The following NR1H3 variants were observed in gnomAD, a reference collection of about 807,000 sequenced individuals.
NR1H3 encodes the protein oxysterols receptor LXR-alpha.
A neutral mutation model predicts 48.1 loss-of-function variants in NR1H3; 19 were observed. That is an observed-to-expected ratio of 0.40 (90% confidence interval 0.28 to 0.58). The LOEUF (loss-of-function observed/expected upper bound fraction) is 0.58. Among genes scored for constraint, NR1H3 ranks in the 20% least tolerant of loss-of-function variants. The probability of loss-of-function intolerance (pLI) is 0.50; values close to 1 mark genes in which losing one functional copy is unlikely to be tolerated. For synonymous variants in NR1H3, 232 were observed against 227.3 expected (o/e 1.02, Z -0.19); for missense variants, 486 against 595.9 (o/e 0.82, Z 1.92).
intron 7 of NR1H3, among the ~76,000 whole-genome samples, chr11:47,266,881 T>G (rs1219527544): frequency 6.6e-6 from 1 of 151,978 alleles, no homozygotes; most frequent in Non-Finnish European, 1.5e-5. Flanking sequence ...ACTCAGGTGA[T>G]CCCCCTGCCT....
At chr11:47,260,072 A>G in intron 3 of NR1H3, 93 bp downstream of exon 3, 11 of 1,140,070 alleles carry the variant, frequency 9.6e-6, no homozygotes, top group Non-Finnish European at 1.3e-5. Flanking sequence ...TTTATATATA[A>G]TCTCATGGTT....
intron 4 of NR1H3, 52 bp from the exon 5 acceptor site, chr11:47,261,189 G>A: frequency 1.2e-6 from 1 of 843,014 alleles, no homozygotes; most frequent in Non-Finnish European, 1.7e-6. Context: ...CCACCCCCTT[G>A]CCCCATCCTT....
chr11:47,257,395 T>C (rs558871375), upstream of NR1H3, among the ~76,000 whole-genome samples: 5 of 152,136 alleles, frequency 3.3e-5, no homozygotes, highest in Non-Finnish European at 7.4e-5. Context: ...TATCAAAGGC[T>C]CTCCTGGCCT....
chr11:47,259,399 C>T lies in NR1H3; in HGVS notation c.43+140C>T, dbSNP rs566597517. On this transcript the variant is annotated intron_variant, in intron 2 of 9. Transcript: ENST00000441012. ...GTCATTCTTAGTCGTGCTTGCCTCC[C>T]GCCCAGATCACCTCTCCCCTGGTTC... 3.9e-5 allele frequency: 62 copies of T among 1,580,126 alleles called. No homozygotes were observed. The East Asian group carries it at 1.3e-3, about 32-fold the overall frequency.
intron 7 of NR1H3, 93 bp from the exon 8 acceptor site, chr11:47,267,820 C>G: frequency 1.1e-6 from 1 of 911,860 alleles, no homozygotes; most frequent in Non-Finnish European, 1.8e-6. Context: ...CAGTAAACTT[C>G]TTAGTGAGTT....
rs41481445 is a variant in NR1H3 at position 47,259,902 on chromosome 11, G to T, written c.155G>T (p.Gly52Val). 1.3e-3 allele frequency: 2,126 copies of T among 1,611,938 alleles called. 22 individuals carry two copies. The African/African-American group carries it at 0.024, about 19-fold the overall frequency. Residue 52 changes from glycine (G) to valine (V), a missense_variant, in exon 3 of 10, where the codon GGT becomes GTT. Transcript: ENST00000441012. ...GCCAGGATGCCCCACTCTGCTGGGG[G>T]TACTGCAGGGGTGGGGCTGGAGGCT... is the stretch of plus-strand genomic sequence containing the variant. ...EEARMPHSAG[G>V]TAGVGLEAAE...
intron 7 of NR1H3, among the ~76,000 whole-genome samples, chr11:47,262,597 C>T (rs973013710): frequency 6.6e-6 from 1 of 151,902 alleles, no homozygotes; most frequent in African/African-American, 2.4e-5. Flanking sequence ...TCACTACAAC[C>T]TCCGCCTCCC....
At chr11:47,253,144 T>TGTGTGTGTGTGTG (rs1554980530), upstream of NR1H3, among the ~76,000 whole-genome samples, 1 of 151,496 alleles carries the variant, frequency 6.6e-6, no homozygotes, top group Non-Finnish European at 1.5e-5. Context: ...CGTGTGTGTG[T>TGTGTGTGTGTGTG]TTTCTGTAAA....
upstream of NR1H3, chr11:47,248,616 C>A: frequency 6.4e-7 from 1 of 1,564,094 alleles, no homozygotes; most frequent in South Asian, 1.2e-5. Context: ...TCGACCTCCA[C>A]CAGCTGGCCT....
At chr11:47,250,085 G>A (rs543031808) in intron 1 of NR1H3, among the ~76,000 whole-genome samples, 50 of 152,148 alleles carry the variant, frequency 3.3e-4, no homozygotes, top group African/African-American at 1.2e-3. Context: ...GCGCGACAGA[G>A]TGAGACTGTC....
intron 1 of NR1H3, among the ~76,000 whole-genome samples, chr11:47,250,739 A>G (rs1406193110): frequency 6.6e-6 from 1 of 152,290 alleles, no homozygotes; most frequent in African/African-American, 2.4e-5. Context: ...GGTTTCATAA[A>G]TCAGCATCTC....
intron 7 of NR1H3, among the ~76,000 whole-genome samples, chr11:47,266,323 G>A (rs933033879): frequency 6.6e-6 from 1 of 151,148 alleles, no homozygotes; most frequent in Non-Finnish European, 1.5e-5. Context: ...GAACCACCGT[G>A]CCCTGCTGAA....
chr11:47,256,216 T>C (rs1309210166), upstream of NR1H3, among the ~76,000 whole-genome samples: 1 of 151,046 alleles, frequency 6.6e-6, no homozygotes, highest in Non-Finnish European at 1.5e-5. Flanking sequence ...AACTTTTGTA[T>C]TTTTAGTAGA....
chr11:47,262,968 G>A (rs539287400), intron 7 of NR1H3, among the ~76,000 whole-genome samples: 40 of 152,282 alleles, frequency 2.6e-4, no homozygotes, highest in African/African-American at 9.1e-4. Context: ...CCTGTCCTCT[G>A]TTGCTTTAGG....
intron 1 of NR1H3, among the ~76,000 whole-genome samples, chr11:47,249,890 G>A (rs965987677): frequency 1.3e-5 from 2 of 151,524 alleles, no homozygotes; most frequent in South Asian, 2.1e-4. Flanking sequence ...TCAGGAGTTC[G>A]AGACCAGCCT....
At position 47,268,107 on chromosome 11, in the gene NR1H3, G is replaced by C. The variant is rs562280011; in HGVS notation, c.1102+81G>C. 1.7e-4 allele frequency: 211 copies of C among 1,228,824 alleles called. 1 individual carries two copies. In the Middle Eastern group the frequency reaches 2.2e-3, roughly 13 times the overall value. The allele number at this position is 1,228,824 out of a possible 1,614,324, so 76.1% of individuals were successfully genotyped here. On this transcript the variant is annotated intron_variant, in intron 8 of 9. Transcript: ENST00000441012. Reference sequence around the variant, plus strand: ...GGTCCCACAGGAATCGGTGGGGGGAGGGGGGTGGTGGCTTGGGAGGGTGGA... The same window carrying C: ...GGTCCCACAGGAATCGGTGGGGGGACGGGGGTGGTGGCTTGGGAGGGTGGA...
At chr11:47,254,248 G>C (rs1357026452), upstream of NR1H3, among the ~76,000 whole-genome samples, 1 of 152,218 alleles carries the variant, frequency 6.6e-6, no homozygotes, top group Non-Finnish European at 1.5e-5. Context: ...GAAGAACAAA[G>C]TGGATGAAAG....
At chr11:47,248,714 G>A (rs867442129), upstream of NR1H3, 2 of 1,611,650 alleles carry the variant, frequency 1.2e-6, no homozygotes, top group Non-Finnish European at 1.7e-6. Context: ...CGGGTGGGCG[G>A]CATCACCACC....
chr11:47,263,020 T>A (rs182341742), intron 7 of NR1H3, among the ~76,000 whole-genome samples: 10 of 152,172 alleles, frequency 6.6e-5, no homozygotes, highest in Non-Finnish European at 1.5e-4. Context: ...CTGAGAGATA[T>A]ATGGAATGGC....
Sources: allele counts gnomAD v4.1 joint callset (sites outside exome capture counted in the v4.1 genomes callset), GRCh38; gene constraint gnomAD v4.1.1; transcripts MANE v1.5; gene names NCBI Gene and HGNC (gene_info 2026-07-23, HGNC 2026-07-21).